The following SLC9A9 variants were observed in gnomAD, a reference collection of about 807,000 sequenced individuals.
The protein encoded by SLC9A9 is sodium/hydrogen exchanger 9.
SLC9A9 carries 62 observed loss-of-function variants against 77.8 expected under a neutral mutation model. The observed-to-expected ratio is 0.80, with a 90% CI of 0.65 to 0.98. The LOEUF is 0.98. Ranked by LOEUF, SLC9A9 falls within the 50% of genes least tolerant of loss-of-function variation. The pLI is 0.00. For synonymous variants in SLC9A9, 320 were observed against 283.5 expected, an observed-to-expected ratio of 1.13 and a Z score of -1.29; for missense variants, 775 against 774.9, an observed-to-expected ratio of 1.00 and a Z score of 0.00.
At chr3:143,466,998 G>A (rs1232017943) in intron 12 of SLC9A9, 39 bp downstream of exon 12, 1 of 1,604,980 alleles carries the variant, frequency 6.2e-7, no homozygotes. Flanking sequence ...GCGCAGCCAT[G>A]CCTCATAATG....
At chr3:143,844,185 T>C (rs916781543) in intron 1 of SLC9A9, among the ~76,000 whole-genome samples, 3 of 152,246 alleles carry the variant, frequency 2.0e-5, no homozygotes, top group Admixed American at 6.5e-5. Context: ...GTTCATATGA[T>C]ATTTTAAGAT....
chr3:143,370,991 T>C (rs1408280669), intron 13 of SLC9A9, among the ~76,000 whole-genome samples: 1 of 151,964 alleles, frequency 6.6e-6, no homozygotes, highest in Admixed American at 6.6e-5. Flanking sequence ...AACAGCAGTC[T>C]CACTGAGTTG....
At chr3:143,427,723 C>A (rs766485112) in intron 12 of SLC9A9, among the ~76,000 whole-genome samples, 2 of 152,180 alleles carry the variant, frequency 1.3e-5, no homozygotes, top group Non-Finnish European at 2.9e-5. Flanking sequence ...TCTGATAGTT[C>A]ATCTTTTATC....
intron 6 of SLC9A9, among the ~76,000 whole-genome samples, chr3:143,607,023 A>G (rs2037940362): frequency 1.3e-5 from 2 of 152,132 alleles, no homozygotes. Flanking sequence ...CCAGAGAGAA[A>G]AGACAGATTA....
chr3:143,674,060 C>T (rs760493549), intron 5 of SLC9A9, among the ~76,000 whole-genome samples: 6 of 152,160 alleles, frequency 3.9e-5, no homozygotes, highest in Non-Finnish European at 8.8e-5. Flanking sequence ...GAAGAATTCA[C>T]TGCTAATAAA....
intron 6 of SLC9A9, among the ~76,000 whole-genome samples, chr3:143,642,196 T>C (rs1214821306): frequency 6.6e-6 from 1 of 152,220 alleles, no homozygotes; most frequent in Non-Finnish European, 1.5e-5. Context: ...CTCTATCCTC[T>C]AGCAGCTAAG....
At chr3:143,423,572 C>T (rs1281662741) in intron 12 of SLC9A9, among the ~76,000 whole-genome samples, 1 of 152,026 alleles carries the variant, frequency 6.6e-6, no homozygotes, top group Non-Finnish European at 1.5e-5. Flanking sequence ...ACAATTTGAA[C>T]ATCAAAATAA....
At chr3:143,578,149 T>G (rs2037392769) in intron 7 of SLC9A9, among the ~76,000 whole-genome samples, 1 of 152,186 alleles carries the variant, frequency 6.6e-6, no homozygotes, top group African/African-American at 2.4e-5. Context: ...TGAGCTACCC[T>G]GTAAGCTAGT....
At chr3:143,352,854 T>A (rs1381409338) in intron 14 of SLC9A9, among the ~76,000 whole-genome samples, 2 of 152,202 alleles carry the variant, frequency 1.3e-5, no homozygotes, top group Non-Finnish European at 2.9e-5. Context: ...AATTTATTCT[T>A]CTCCCTGTTA....
At chr3:143,683,745 G>A (rs1391704309) in intron 5 of SLC9A9, among the ~76,000 whole-genome samples, 2 of 152,040 alleles carry the variant, frequency 1.3e-5, no homozygotes, top group African/African-American at 2.4e-5. Flanking sequence ...AAGAATAGAT[G>A]TCAAAGTATA....
In SLC9A9 at chr3:143,369,626, A is replaced by T. The variant is rs564954656; in HGVS notation, c.1525-6063T>A. 4.6e-5 allele frequency among the ~76,000 whole-genome samples: 7 copies of T among 152,264 alleles called. No homozygotes were observed. The East Asian group carries it at 1.4e-3, about 29-fold the overall frequency. ...CTGTACCCTATAAGTATGTACAATT[A>T]TTACGTGCCAGTTAAAAATTTTAAA... On this transcript the variant is annotated intron_variant, in intron 13 of 15. Coordinates refer to ENST00000316549, the MANE Select transcript of SLC9A9 (RefSeq NM_173653.4).
chr3:143,641,870 T>C (rs567983983), intron 6 of SLC9A9, among the ~76,000 whole-genome samples: 68 of 152,292 alleles, frequency 4.5e-4, no homozygotes, highest in African/African-American at 1.6e-3. Flanking sequence ...TTGAATATTG[T>C]AGTGGATTAT....
At chr3:143,728,686 A>G (rs1934725890) in intron 4 of SLC9A9, among the ~76,000 whole-genome samples, 1 of 152,116 alleles carries the variant, frequency 6.6e-6, no homozygotes, top group Non-Finnish European at 1.5e-5. Flanking sequence ...CCAAGAGAAG[A>G]ATGACAGTGT....
At chr3:143,593,296 C>T (rs1294936012) in intron 6 of SLC9A9, among the ~76,000 whole-genome samples, 1 of 152,176 alleles carries the variant, frequency 6.6e-6, no homozygotes, top group African/African-American at 2.4e-5. Context: ...CTCATTTTCT[C>T]TCTCTGTAGT....
At chr3:143,644,550 A>C (rs2038673025) in intron 6 of SLC9A9, among the ~76,000 whole-genome samples, 1 of 152,192 alleles carries the variant, frequency 6.6e-6, no homozygotes, top group African/African-American at 2.4e-5. Context: ...GAGAAAAACA[A>C]ACAAGACAGC....
At chr3:143,531,724 A>G (rs1201927039) in intron 9 of SLC9A9, among the ~76,000 whole-genome samples, 3 of 152,268 alleles carry the variant, frequency 2.0e-5, no homozygotes, top group African/African-American at 7.2e-5. Flanking sequence ...ATCATGGCCT[A>G]TGACATAGTA....
chr3:143,382,242 G>A (rs140241244), intron 12 of SLC9A9, 128 bp from the exon 13 acceptor site: 20 of 969,076 alleles, frequency 2.1e-5, no homozygotes, highest in East Asian at 4.8e-5. Context: ...ACTATCCTAC[G>A]TCTTCTTGAA....
intron 6 of SLC9A9, among the ~76,000 whole-genome samples, chr3:143,605,125 T>C (rs1353988816): frequency 6.6e-6 from 1 of 152,140 alleles, no homozygotes; most frequent in Non-Finnish European, 1.5e-5. Context: ...CTTTAGATTG[T>C]TGCCCCAAAT....
At chr3:143,722,972 C>T (rs1416816742) in intron 4 of SLC9A9, among the ~76,000 whole-genome samples, 1 of 152,114 alleles carries the variant, frequency 6.6e-6, no homozygotes. Flanking sequence ...GTAACTTTCG[C>T]CAATGCTACC....
Sources: gnomAD v4.1 joint callset for allele counts (sites outside exome capture counted in the v4.1 genomes callset) on GRCh38, gnomAD v4.1.1 for gene constraint, MANE v1.5 for transcripts, NCBI Gene and HGNC (gene_info 2026-07-23, HGNC 2026-07-21) for gene names.